CEP85L: variants seen among roughly 807,000 people sequenced by gnomAD.
The protein encoded by CEP85L is centrosomal protein 85L.
CEP85L carries 60 observed loss-of-function variants against 100.3 expected under a neutral mutation model. That is an observed-to-expected ratio of 0.60 (90% confidence interval 0.49 to 0.74). The LOEUF is 0.74. Among genes scored for constraint, CEP85L ranks in the 30% least tolerant of loss-of-function variants. The pLI is 0.00. For missense variants in CEP85L, 973 were observed against 936.2 expected, an observed-to-expected ratio of 1.04 and a Z score of -0.51; for synonymous variants, 319 against 322.7, an observed-to-expected ratio of 0.99 and a Z score of 0.12.
chr6:118,648,598 C>T (rs1402627569), intron 1 of CEP85L, among the ~76,000 whole-genome samples: 1 of 151,816 alleles, frequency 6.6e-6, no homozygotes, highest in African/African-American at 2.4e-5. Context: ...AAAAATAACC[C>T]GGGTGTGGTG....
chr6:118,544,553 T>A (rs1322395246), intron 3 of CEP85L, among the ~76,000 whole-genome samples: 1 of 152,214 alleles, frequency 6.6e-6, no homozygotes, highest in Non-Finnish European at 1.5e-5. Flanking sequence ...CTTAGAATGT[T>A]TAATAACTTT....
chr6:118,567,469 C>T (rs567098168), intron 2 of CEP85L, among the ~76,000 whole-genome samples: 1 of 151,948 alleles, frequency 6.6e-6, no homozygotes, highest in South Asian at 2.1e-4. Context: ...AAATGAAAGG[C>T]TGAAAGATAA....
intron 2 of CEP85L, among the ~76,000 whole-genome samples, chr6:118,568,808 C>CTG (rs1779698292): frequency 6.6e-6 from 1 of 152,036 alleles, no homozygotes; most frequent in African/African-American, 2.4e-5. Context: ...TAAATAGAAA[C>CTG]AGGACAGACG....
chr6:118,558,833 AAAG>A, intron 3 of CEP85L: 1 of 890,756 alleles, frequency 1.1e-6, no homozygotes, highest in Non-Finnish European at 1.9e-6. Context: ...AGGCTACCTA[AAAG>A]AAGACAGTTA....
intron 1 of CEP85L, among the ~76,000 whole-genome samples, chr6:118,688,501 A>G (rs1371406376): frequency 2.6e-5 from 4 of 152,366 alleles, no homozygotes; most frequent in Admixed American, 2.0e-4. Flanking sequence ...TTACAGTTCT[A>G]TACTTTATCC....
intron 3 of CEP85L, among the ~76,000 whole-genome samples, chr6:118,539,867 CT>C (rs1777810661): frequency 6.6e-6 from 1 of 151,992 alleles, no homozygotes; most frequent in African/African-American, 2.4e-5. Context: ...TTACTTTTTT[CT>C]TTTCTATCTG....
intron 1 of CEP85L, among the ~76,000 whole-genome samples, chr6:118,634,711 T>C (rs1164918786): frequency 6.9e-6 from 1 of 145,446 alleles, no homozygotes; most frequent in African/African-American, 2.4e-5. Flanking sequence ...CTGTGGTCTG[T>C]AATCTATACC....
rs747299548 is a variant in CEP85L at position 118,469,292 on chromosome 6, T to C, written c.2034A>G (p.Gln678=). ...LTKALLENQR[Q]TDETCSLLDQ... The stretch of plus-strand genomic sequence containing the variant: ...CCAATAAAGAGCATGTCTCATCTGT[T>C]TGTCTTTGGTTCTGCAAGGATAAAG... Residue 678 remains glutamine (Q), a synonymous_variant, in exon 12 of 13, where the codon CAA becomes CAG. Transcript: ENST00000368491. The C allele has an allele frequency of 5.1e-5, 83 of 1,613,312 alleles. No homozygotes were observed. Among genetic ancestry groups the C allele is most frequent in the Admixed American group, 1.0e-4 (6 of 59,990 alleles).
At chr6:118,651,798 T>A, upstream of CEP85L, 1 of 984,636 alleles carries the variant, frequency 1.0e-6, no homozygotes, top group Non-Finnish European at 1.2e-6. Context: ...TCCCTCTGTC[T>A]CCATCCTCCC....
intron 3 of CEP85L, among the ~76,000 whole-genome samples, chr6:118,541,370 A>C (rs1385097140): frequency 2.0e-5 from 3 of 152,202 alleles, no homozygotes; most frequent in Non-Finnish European, 4.4e-5. Context: ...ACCATGTATA[A>C]CTCTCAGTAG....
rs536376190 is a variant in CEP85L, at chr6:118,592,764, TA to T, written c.233-26449del. ...CTGTAAATAAATAGTAAATGCTCAA[TA>T]AATGTTGGTATCATTATTACCAAAA... is the stretch of plus-strand genomic sequence containing the variant. On this transcript the variant is annotated intron_variant, in intron 2 of 12. Coordinates refer to ENST00000368491, the MANE Select transcript of CEP85L (RefSeq NM_001042475.3). 3.7e-4 allele frequency among the ~76,000 whole-genome samples: 57 copies of T among 152,240 alleles called. No homozygotes were observed. The East Asian group carries it at 0.011, about 28-fold the overall frequency.
intron 1 of CEP85L, among the ~76,000 whole-genome samples, chr6:118,667,407 T>C (rs117175665): frequency 0.018 from 2,696 of 152,252 alleles, 51 homozygotes; most frequent in Middle Eastern, 0.048. Flanking sequence ...ACTAGCAATA[T>C]TTGGGCAGAA....
At chr6:118,561,790 G>A (rs1052785999) in intron 3 of CEP85L, among the ~76,000 whole-genome samples, 10 of 151,934 alleles carry the variant, frequency 6.6e-5, no homozygotes, top group Non-Finnish European at 1.3e-4. Context: ...TAATTTTATA[G>A]GGGTTTTTTT....
intron 2 of CEP85L, among the ~76,000 whole-genome samples, chr6:118,590,635 C>T (rs2115118422): frequency 6.6e-6 from 1 of 152,240 alleles, no homozygotes; most frequent in African/African-American, 2.4e-5. Context: ...CTCTTTTCCA[C>T]ACTCGGAGTT....
intron 1 of CEP85L, among the ~76,000 whole-genome samples, chr6:118,699,374 G>A: frequency 6.6e-6 from 1 of 151,416 alleles, no homozygotes; most frequent in East Asian, 1.9e-4. Context: ...AGGATCACTT[G>A]AGCCCAGGAG....
chr6:118,497,002 A>G (rs1774970199), intron 5 of CEP85L, among the ~76,000 whole-genome samples: 1 of 152,214 alleles, frequency 6.6e-6, no homozygotes, highest in African/African-American at 2.4e-5. Context: ...TCTTTCTCCC[A>G]GCTGGTACAT....
At chr6:118,651,727 G>GCT (rs1775581872), upstream of CEP85L, 1 of 985,400 alleles carries the variant, frequency 1.0e-6, no homozygotes, top group East Asian at 1.2e-4. Flanking sequence ...GGGCGGGTGA[G>GCT]CTACCCCGAC....
intron 10 of CEP85L, among the ~76,000 whole-genome samples, chr6:118,474,844 A>G (rs1773232682): frequency 6.6e-6 from 1 of 152,258 alleles, no homozygotes; most frequent in African/African-American, 2.4e-5. Context: ...GGCAGTTGAC[A>G]GGATACTATT....
At chr6:118,500,552 T>C (rs767194463) in intron 5 of CEP85L, among the ~76,000 whole-genome samples, 8 of 152,206 alleles carry the variant, frequency 5.3e-5, no homozygotes, top group Non-Finnish European at 1.0e-4. Context: ...CGTTATCTCT[T>C]TTACCTAATA....
Sources: allele counts gnomAD v4.1 joint callset (sites outside exome capture counted in the v4.1 genomes callset), GRCh38; gene constraint gnomAD v4.1.1; transcripts MANE v1.5; gene names NCBI Gene and HGNC (gene_info 2026-07-23, HGNC 2026-07-21).